CCDC169: variants seen among roughly 807,000 people sequenced by gnomAD.
CCDC169 encodes the protein coiled-coil domain containing 169, also known as coiled-coil domain-containing protein 169.
CCDC169 carries 30 observed loss-of-function variants against 36.0 expected under a neutral mutation model. The ratio of observed to expected loss-of-function variants is 0.83; its 90% CI spans 0.62 to 1.13. The LOEUF is 1.13. CCDC169 is among the 50% of genes most tolerant of loss of function. The pLI is 0.00. For synonymous variants in CCDC169, 85 were observed against 81.5 expected (o/e 1.04, Z -0.23); for missense variants, 245 against 245.9 (o/e 1.00, Z 0.03).
At chr13:36,240,628 A>G (rs2138418250) in intron 7 of CCDC169, 1 of 1,285,098 alleles carries the variant, frequency 7.8e-7, no homozygotes, top group Non-Finnish European at 1.0e-6. Flanking sequence ...ATGGCTCCTT[A>G]GTTATTTTCT....
chr13:36,231,337 G>T, intron 7 of CCDC169, 45 bp from the exon 8 acceptor site: 1 of 1,533,096 alleles, frequency 6.5e-7, no homozygotes, highest in South Asian at 1.2e-5. Context: ...TCACCATTAT[G>T]TACAACAAAA....
At position 36,231,150 on chromosome 13, in the gene CCDC169, TG is replaced by T. The variant is rs1870378561; in HGVS notation, c.*42del. The T allele has an allele frequency of 1.4e-5, 21 of 1,507,156 alleles. No homozygotes were observed. The highest frequency in any genetic ancestry group is 1.9e-5 in the Non-Finnish European group (21 of 1,125,170). 93.4% of individuals were successfully genotyped at this position (1,507,156 alleles called of 1,614,324 possible). A position where few individuals can be genotyped will look rare whatever the true frequency, so the allele number is the denominator to read the frequency against. Reference sequence around the variant, plus strand: ...AACTTTATAACTTGAATATTATAAATGGAAAAAAAAAGGAAGAAATAGAAAT... The same window carrying T: ...AACTTTATAACTTGAATATTATAAATGAAAAAAAAAGGAAGAAATAGAAAT... On this transcript the variant is annotated 3_prime_UTR_variant, in exon 8 of 8. Transcript: ENST00000239859.
intron 2 of CCDC169, 66 bp from the exon 3 acceptor site, chr13:36,283,768 C>T (rs1383239511): frequency 1.7e-6 from 2 of 1,206,188 alleles, no homozygotes; most frequent in African/African-American, 1.5e-5. Flanking sequence ...ATTAAAATAA[C>T]ATTATGAGCT....
At chr13:36,276,526 C>T (rs1876850474) in intron 4 of CCDC169, among the ~76,000 whole-genome samples, 2 of 152,176 alleles carry the variant, frequency 1.3e-5, no homozygotes, top group Middle Eastern at 3.2e-3. Flanking sequence ...CCATTCTTTT[C>T]ACCACCAGCT....
intron 2 of CCDC169, among the ~76,000 whole-genome samples, chr13:36,286,856 A>G (rs1335143408): frequency 1.3e-5 from 2 of 152,116 alleles, no homozygotes; most frequent in African/African-American, 2.4e-5. Flanking sequence ...AGTGGCTGGA[A>G]GGCTCATAAA....
chr13:36,280,395 A>G (rs1346222814), intron 4 of CCDC169: 2 of 152,222 alleles, frequency 1.3e-5, no homozygotes, highest in Non-Finnish European at 2.9e-5. Flanking sequence ...ACTCAAAATT[A>G]AAACCAGAAA....
intron 7 of CCDC169, among the ~76,000 whole-genome samples, chr13:36,232,127 C>A (rs1004283193): frequency 1.3e-5 from 2 of 152,136 alleles, no homozygotes; most frequent in African/African-American, 4.8e-5. Flanking sequence ...TTTAACTTGC[C>A]CTATGCCTAT....
intron 2 of CCDC169, among the ~76,000 whole-genome samples, chr13:36,294,262 T>C (rs1387657826): frequency 6.6e-6 from 1 of 152,192 alleles, no homozygotes; most frequent in South Asian, 2.1e-4. Flanking sequence ...ATTTTACTAC[T>C]GGGCATAGTT....
chr13:36,283,601 T>C lies in CCDC169; in HGVS notation c.265A>G (p.Asn89Asp), dbSNP rs1877815380. ...LKEKVEKIHGNSSDRLSSIRV... is the reference protein window; with the variant it reads ...LKEKVEKIHGDSSDRLSSIRV... ...ATGATTGGTTTTGTACCTGAAGAGT[T>C]TCCATGGATTTTTTCCACTTTCTCC... Residue 89 changes from asparagine to aspartate, a missense_variant, in exon 3 of 8, where the codon AAC (asparagine) becomes GAC (aspartate). Physicochemically the swap from Asn to Asp is conservative, Grantham distance 23. Coordinates refer to ENST00000239859, the MANE Select transcript of CCDC169 (RefSeq NM_001144981.3). 1 of 1,551,364 alleles carries C rather than the reference T, an allele frequency of 6.4e-7. No homozygotes were observed. Among genetic ancestry groups the C allele is most frequent in the Non-Finnish European group, 8.7e-7 (1 of 1,146,808 alleles).
chr13:36,260,981 G>A (rs1874539640), intron 4 of CCDC169, among the ~76,000 whole-genome samples: 2 of 152,172 alleles, frequency 1.3e-5, no homozygotes, highest in Admixed American at 6.5e-5. Flanking sequence ...ACTGAGGGCA[G>A]AAATCTGTAC....
intron 4 of CCDC169, among the ~76,000 whole-genome samples, chr13:36,276,395 C>T (rs918340579): frequency 3.9e-5 from 6 of 152,124 alleles, no homozygotes; most frequent in Admixed American, 6.5e-5. Flanking sequence ...ATTTGGATTT[C>T]GGCAAATTGG....
At chr13:36,288,014 A>T (rs1157148541) in intron 2 of CCDC169, among the ~76,000 whole-genome samples, 2 of 151,932 alleles carry the variant, frequency 1.3e-5, no homozygotes, top group African/African-American at 4.8e-5. Flanking sequence ...ATTTATTTTT[A>T]ATTTTTTTTT....
At chr13:36,286,555 T>C (rs1001706831) in intron 2 of CCDC169, among the ~76,000 whole-genome samples, 12 of 152,176 alleles carry the variant, frequency 7.9e-5, no homozygotes, top group Admixed American at 7.9e-4. Flanking sequence ...TTTGTTTGGA[T>C]GCACACCACC....
At chr13:36,255,968 G>A (rs1302095718) in intron 4 of CCDC169, among the ~76,000 whole-genome samples, 1 of 152,158 alleles carries the variant, frequency 6.6e-6, no homozygotes, top group Non-Finnish European at 1.5e-5. Flanking sequence ...TGTGGGCCAG[G>A]GAGGTCAGTT....
At chr13:36,281,087 G>A (rs1160927627) in intron 4 of CCDC169, 1 of 342,040 alleles carries the variant, frequency 2.9e-6, no homozygotes, top group Admixed American at 4.2e-5. Context: ...CTTCACCTAT[G>A]TCTTTTTTTG....
chr13:36,260,587 C>T (rs1874483561), intron 4 of CCDC169, among the ~76,000 whole-genome samples: 1 of 152,070 alleles, frequency 6.6e-6, no homozygotes, highest in Non-Finnish European at 1.5e-5. Flanking sequence ...ATTAGTAAAA[C>T]AAATGTATGG....
intron 6 of CCDC169, among the ~76,000 whole-genome samples, chr13:36,251,095 A>C (rs983855358): frequency 2.0e-5 from 3 of 152,234 alleles, no homozygotes; most frequent in Non-Finnish European, 4.4e-5. Flanking sequence ...TCCGTATTGT[A>C]CTTATGTTGT....
At chr13:36,225,706 A>C (rs576165875), downstream of CCDC169, 2 of 152,308 alleles carry the variant, frequency 1.3e-5, no homozygotes, top group African/African-American at 2.4e-5. Flanking sequence ...CAAAGGTCTA[A>C]TATCCAGAAA....
intron 4 of CCDC169, among the ~76,000 whole-genome samples, chr13:36,267,657 C>A (rs950051407): frequency 1.1e-4 from 16 of 151,958 alleles, no homozygotes; most frequent in African/African-American, 3.6e-4. Context: ...TTAAAAAATA[C>A]AGAATGAATT....
Sources: gnomAD v4.1 joint callset for allele counts (sites outside exome capture counted in the v4.1 genomes callset) on GRCh38, gnomAD v4.1.1 for gene constraint, MANE v1.5 for transcripts, NCBI Gene and HGNC (gene_info 2026-07-23, HGNC 2026-07-21) for gene names.